Variants in SELENOO observed in about 807,000 individuals in gnomAD.
SELENOO encodes the protein selenoprotein O.
Under a neutral mutation model 58.7 loss-of-function variants are expected in SELENOO, and 74 were observed. The ratio of observed to expected loss-of-function variants is 1.26; its 90% CI spans 1.04 to 1.53. The LOEUF is 1.53. SELENOO is among the 40% of genes most tolerant of loss of function. The pLI is 0.00. For missense variants in SELENOO, 1,149 were observed against 970.0 expected (o/e 1.18, Z -2.45); for synonymous variants, 543 against 453.2 (o/e 1.20, Z -2.52).
At chr22:50,210,419 C>A in intron 4 of SELENOO, 108 bp downstream of exon 4, 2 of 1,451,100 alleles carry the variant, frequency 1.4e-6, no homozygotes, top group Non-Finnish European at 9.4e-7. Flanking sequence ...GAGGGGGAGC[C>A]GAGGGGGCTG....
At chr22:50,202,535 C>T (rs1265791185) in intron 1 of SELENOO, among the ~76,000 whole-genome samples, 3 of 152,084 alleles carry the variant, frequency 2.0e-5, no homozygotes, top group African/African-American at 7.2e-5. Context: ...GGAAATGCTG[C>T]TCAGCCTGGG....
In SELENOO at chr22:50,208,696, A is replaced by AATGCTGCCT; in HGVS notation, c.920_928dup (p.Ala309_Phe310insTyrAlaAla). ...TCATGCCAGCGACAGCGTGCAGAGAAATGCTGCCTTCTTCCGGGAGGTCAG... is the reference window on the plus strand; with the variant it reads ...TCATGCCAGCGACAGCGTGCAGAGAAATGCTGCCTATGCTGCCTTCTTCCGGGAGGTCAG... On this transcript the variant is annotated inframe_insertion, in exon 3 of 9. Transcript: ENST00000380903. 6.2e-7 allele frequency: 1 copy of AATGCTGCCT among 1,612,710 alleles called. No homozygotes were observed. The highest frequency in any genetic ancestry group is 8.5e-7 in the Non-Finnish European group (1 of 1,179,508).
chr22:50,202,179 T>G (rs189051159), intron 1 of SELENOO, among the ~76,000 whole-genome samples: 1 of 152,248 alleles, frequency 6.6e-6, no homozygotes, highest in Admixed American at 6.5e-5. Flanking sequence ...AACAATGTAC[T>G]TACTCCATAT....
At chr22:50,214,617 TAGCC>T (rs2064393206) in intron 5 of SELENOO, among the ~76,000 whole-genome samples, 1 of 151,510 alleles carries the variant, frequency 6.6e-6, no homozygotes, top group African/African-American at 2.4e-5. Flanking sequence ...AAACAAAAAT[TAGCC>T]AGGCATGGTG....
At position 50,210,294 on chromosome 22, in the gene SELENOO, C is replaced by T; in HGVS notation, c.1053C>T (p.Pro351=). The T allele has an allele frequency of 6.2e-7, 1 of 1,613,212 alleles. No individual in the cohort carries two copies. The highest frequency in any genetic ancestry group is 8.5e-7 in the Non-Finnish European group (1 of 1,179,902). ...SILGLTIDYG[P]FGFLDRYDPD... is the part of the protein sequence containing the mutation. ...TGGGGCTCACCATCGACTACGGGCC[C>T]TTTGGCTTCCTGGACAGGTAAGTGG... Residue 351 remains proline (P), a synonymous_variant, in exon 4 of 9, where the codon CCC becomes CCT. Coordinates refer to ENST00000380903, the MANE Select transcript of SELENOO (RefSeq NM_031454.2).
intron 6 of SELENOO, 22 bp downstream of exon 6, chr22:50,215,889 C>T (rs760645774): frequency 1.3e-6 from 2 of 1,570,526 alleles, no homozygotes; most frequent in Non-Finnish European, 1.7e-6. Flanking sequence ...GTTCCTACTT[C>T]TTTGGATTTG....
In SELENOO at chr22:50,210,869, G is replaced by C. The variant is rs368176004; in HGVS notation, c.1309G>C (p.Gly437Arg). The change falls in exon 5 of 9, where the codon GGG becomes CGG. Residue 437 changes from glycine to arginine, a missense_variant. Coordinates refer to ENST00000380903, the MANE Select transcript of SELENOO (RefSeq NM_031454.2). The stretch of plus-strand genomic sequence containing the variant: ...CGTGCAGGTGGAGCTGGAGGAAGAC[G>C]GGGCGCTGGTGTCCAAGCTCCTGGA... ...GLVQVELEED[G>R]ALVSKLLETM... 2 of 1,614,102 alleles carry C rather than the reference G, an allele frequency of 1.2e-6. No individual in the cohort carries two copies. The highest frequency in any genetic ancestry group is 2.2e-5 in the South Asian group (2 of 91,086).
chr22:50,210,127 G>T (rs1254187322), intron 3 of SELENOO, 54 bp from the exon 4 acceptor site: 10 of 1,583,302 alleles, frequency 6.3e-6, no homozygotes, highest in African/African-American at 1.3e-5. Flanking sequence ...GGACACGAGT[G>T]GGGAGGTCTG....
At chr22:50,209,911 G>A (rs1240645119) in intron 3 of SELENOO, among the ~76,000 whole-genome samples, 1 of 152,240 alleles carries the variant, frequency 6.6e-6, no homozygotes, top group African/African-American at 2.4e-5. Flanking sequence ...TCTCTACTGG[G>A]CCTGAGTCTG....
intron 5 of SELENOO, among the ~76,000 whole-genome samples, chr22:50,213,819 T>A (rs1484570641): frequency 6.6e-6 from 1 of 151,984 alleles, no homozygotes; most frequent in Non-Finnish European, 1.5e-5. Flanking sequence ...GGGTAATTTT[T>A]TTGTATTTTT....
In SELENOO at chr22:50,201,569, C is replaced by A; in HGVS notation, c.533C>A (p.Ala178Asp). 7.4e-7 allele frequency: 1 copy of A among 1,357,154 alleles called. No homozygotes were observed. Among genetic ancestry groups the A allele is most frequent in the South Asian group, 1.6e-5 (1 of 61,268 alleles). 84.1% of individuals were successfully genotyped at this position (1,357,154 alleles called of 1,614,324 possible). A position where few individuals can be genotyped will look rare whatever the true frequency, so the allele number is the denominator to read the frequency against. Residue 178 changes from alanine (A) to aspartate (D), a missense_variant, in exon 1 of 9, where the codon GCC (alanine) becomes GAC (aspartate). By Grantham distance (126) the Ala-to-Asp change is moderately radical. Transcript: ENST00000380903. ...GERWELQLKGAGPTPFSRQAD... is the reference protein window; with the variant it reads ...GERWELQLKGDGPTPFSRQAD... ...CGCTGGGAGCTGCAGCTCAAGGGCGCCGGGCCCACGCCCTTCTCCAGGTGG... is the reference window on the plus strand; with the variant it reads ...CGCTGGGAGCTGCAGCTCAAGGGCGACGGGCCCACGCCCTTCTCCAGGTGG...
chr22:50,210,032 T>G, intron 3 of SELENOO, 149 bp from the exon 4 acceptor site: 1 of 863,636 alleles, frequency 1.2e-6, no homozygotes. Context: ...GTTGAGGCGG[T>G]GACAGGACAT....
Position 50,202,216 on chromosome 22 carries a change from G to A in SELENOO, c.554+626G>A, listed in dbSNP as rs934913037. ...CTTTACTGCTTTTGTGAATGACTAGGAAAGTGTACATTTTATGTTCAGAGA... is the reference window on the plus strand; with the variant it reads ...CTTTACTGCTTTTGTGAATGACTAGAAAAGTGTACATTTTATGTTCAGAGA... On this transcript the variant is annotated intron_variant, in intron 1 of 8. Coordinates refer to ENST00000380903, the MANE Select transcript of SELENOO (RefSeq NM_031454.2). Among the ~76,000 whole-genome samples, 47 of 67,630 alleles carry A rather than the reference G, an allele frequency of 6.9e-4. 1 individual carries two copies. The highest frequency in any genetic ancestry group is 2.7e-3 in the African/African-American group (47 of 17,490). The allele number at this position is 67,630 out of a possible 152,430, so 44.4% of individuals were successfully genotyped here.
At chr22:50,206,194 T>G (rs79052803) in intron 1 of SELENOO, 123 bp from the exon 2 acceptor site, 6 of 807,024 alleles carry the variant, frequency 7.4e-6, no homozygotes, top group Non-Finnish European at 1.2e-5. Flanking sequence ...GGACGGGCGG[T>G]TTTCAGGGAC....
chr22:50,215,593 G>A, intron 5 of SELENOO, 124 bp from the exon 6 acceptor site: 1 of 737,578 alleles, frequency 1.4e-6, no homozygotes, highest in Non-Finnish European at 2.2e-6. Flanking sequence ...GGGCGGTGGT[G>A]GAGCATGTGG....
rs2147168942 is a variant in SELENOO at position 50,216,885 on chromosome 22, T to C, written c.1688+9T>C. On this transcript the variant is annotated intron_variant, in intron 7 of 8. Coordinates refer to ENST00000380903, the MANE Select transcript of SELENOO (RefSeq NM_031454.2). ...TGGCTACAGGCGTACAGGTGAGCCC[T>C]GCGTCCATGGTCACCGGGGGACGGC... 1.2e-6 allele frequency: 2 copies of C among 1,605,606 alleles called. No homozygotes were observed. Among genetic ancestry groups the C allele is most frequent in the Non-Finnish European group, 1.7e-6 (2 of 1,178,552 alleles).
At chr22:50,203,765 A>G (rs1432090967) in intron 1 of SELENOO, among the ~76,000 whole-genome samples, 1 of 152,346 alleles carries the variant, frequency 6.6e-6, no homozygotes. Flanking sequence ...AAATAGGGAA[A>G]ATGCCTCATG....
At chr22:50,210,373 A>C (rs1743358174) in intron 4 of SELENOO, 62 bp downstream of exon 4, 1 of 1,570,052 alleles carries the variant, frequency 6.4e-7, no homozygotes, top group African/African-American at 1.4e-5. Context: ...GGGCTGCATG[A>C]AACCTGCTGC....
chr22:50,217,370 C>T lies in SELENOO; in HGVS notation c.*1C>T, dbSNP rs146013649. The stretch of plus-strand genomic sequence containing the variant: ...ACTGTGCGTGACATGATCTTCGTAA[C>T]GGCCTCGGCACGCTCCACACCCCTG... On this transcript the variant is annotated 3_prime_UTR_variant, in exon 9 of 9. Transcript: ENST00000380903. 9.7e-4 allele frequency: 1,567 copies of T among 1,612,592 alleles called. 32 individuals carry two copies. The East Asian group carries it at 0.032, about 33-fold the overall frequency.
Sources: gnomAD v4.1 joint callset for allele counts (sites outside exome capture counted in the v4.1 genomes callset) on GRCh38, gnomAD v4.1.1 for gene constraint, MANE v1.5 for transcripts, NCBI Gene and HGNC (gene_info 2026-07-23, HGNC 2026-07-21) for gene names.